QRICH1: variants seen among roughly 807,000 people sequenced by gnomAD.
QRICH1 encodes the protein glutamine rich 1.
Under a neutral mutation model 87.1 loss-of-function variants are expected in QRICH1, and 16 were observed. That is an observed-to-expected ratio of 0.18 (90% confidence interval 0.12 to 0.28). The LOEUF (loss-of-function observed/expected upper bound fraction) is 0.28, where lower values mean the gene tolerates loss of function less well. Among genes scored for constraint, QRICH1 ranks in the 10% least tolerant of loss-of-function variants. The pLI is 1.00. For synonymous variants in QRICH1, 367 were observed against 368.4 expected (o/e 1.00, Z 0.05); for missense variants, 647 against 951.7 (o/e 0.68, Z 4.21).
intron 6 of QRICH1, among the ~76,000 whole-genome samples, chr3:49,038,749 G>A (rs753043206): frequency 7.2e-5 from 11 of 152,130 alleles, no homozygotes; most frequent in African/African-American, 1.7e-4. Flanking sequence ...AGTATGAGCC[G>A]GGCTCCGTAG....
At chr3:49,055,828 G>A (rs2093398760) in intron 3 of QRICH1, among the ~76,000 whole-genome samples, 1 of 151,738 alleles carries the variant, frequency 6.6e-6, no homozygotes, top group South Asian at 2.1e-4. Context: ...ATAGGTGTGT[G>A]CCACCACACC....
chr3:49,032,335 G>C, intron 8 of QRICH1, 62 bp from the exon 9 acceptor site: 1 of 1,174,448 alleles, frequency 8.5e-7, no homozygotes, highest in Non-Finnish European at 1.2e-6. Context: ...CTCAGGCCCA[G>C]ATCAGGAAAC....
chr3:49,050,038 A>G (rs1400183820), intron 3 of QRICH1, among the ~76,000 whole-genome samples: 3 of 149,936 alleles, frequency 2.0e-5, no homozygotes, highest in African/African-American at 7.4e-5. Flanking sequence ...TGTCTCTACC[A>G]GAAATATAAA....
intron 6 of QRICH1, among the ~76,000 whole-genome samples, chr3:49,042,724 C>G (rs1382894984): frequency 6.6e-6 from 1 of 151,960 alleles, no homozygotes; most frequent in Admixed American, 6.6e-5. Flanking sequence ...AGGTACCTGC[C>G]AACACACCTG....
rs781399409 is a variant in QRICH1 at position 49,052,732 on chromosome 3, T to C, written c.1338+4130A>G. Among the ~76,000 whole-genome samples, 7 of 152,216 alleles carry C rather than the reference T, an allele frequency of 4.6e-5. No homozygotes were observed. In the East Asian group the frequency reaches 5.8e-4, roughly 13 times the overall value. ...CTTGGCCAGGCTGGTCTTTAACTCC[T>C]GACCTCGTGATCCACCCACCTCGGC... On this transcript the variant is annotated intron_variant, in intron 3 of 9. Coordinates refer to ENST00000395443, the MANE Select transcript of QRICH1 (RefSeq NM_198880.3).
At chr3:49,080,515 A>C (rs1424656148) in intron 1 of QRICH1, among the ~76,000 whole-genome samples, 1 of 152,116 alleles carries the variant, frequency 6.6e-6, no homozygotes, top group Non-Finnish European at 1.5e-5. Context: ...TTAAAAAAAA[A>C]CAAGAAAAAA....
At chr3:49,060,638 G>A (rs766408750) in intron 2 of QRICH1, among the ~76,000 whole-genome samples, 3 of 152,134 alleles carry the variant, frequency 2.0e-5, no homozygotes, top group Non-Finnish European at 4.4e-5. Context: ...CCCCCAGCCT[G>A]ATTTTTTGGG....
chr3:49,032,803 G>C, intron 7 of QRICH1, 30 bp from the exon 8 acceptor site: 2 of 1,593,542 alleles, frequency 1.3e-6, no homozygotes, highest in Non-Finnish European at 1.7e-6. Flanking sequence ...CAAGGCAGAG[G>C]GAGGGGTGCC....
chr3:49,065,684 CT>C (rs935571492), intron 2 of QRICH1, among the ~76,000 whole-genome samples: 276 of 140,222 alleles, frequency 2.0e-3, no homozygotes, highest in East Asian at 3.3e-3. Context: ...GAGTCTCTCT[CT>C]TTTTTTTTTT....
chr3:49,063,545 T>C (rs534490311), intron 2 of QRICH1, among the ~76,000 whole-genome samples: 7 of 152,296 alleles, frequency 4.6e-5, no homozygotes, highest in South Asian at 4.1e-4. Context: ...TCCCAGCACT[T>C]TGGGAGGCCA....
intron 1 of QRICH1, among the ~76,000 whole-genome samples, chr3:49,077,719 G>A (rs972959141): frequency 2.0e-5 from 3 of 152,124 alleles, no homozygotes; most frequent in African/African-American, 7.2e-5. Context: ...GTTTTCTTGT[G>A]AGTAAATGGG....
At chr3:49,068,852 A>G (rs577954707) in intron 2 of QRICH1, among the ~76,000 whole-genome samples, 1 of 151,764 alleles carries the variant, frequency 6.6e-6, no homozygotes, top group East Asian at 2.0e-4. Flanking sequence ...GCTGGTCTAG[A>G]ACTCCTGAGC....
intron 1 of QRICH1, among the ~76,000 whole-genome samples, chr3:49,079,549 ATAAT>A (rs1459095678): frequency 1.3e-5 from 2 of 149,944 alleles, no homozygotes; most frequent in African/African-American, 4.9e-5. Context: ...TAAAATAATA[ATAAT>A]TAAGTGGTCA....
chr3:49,031,047 G>A (rs2093234880), intron 9 of QRICH1, among the ~76,000 whole-genome samples: 1 of 149,270 alleles, frequency 6.7e-6, no homozygotes, highest in South Asian at 2.1e-4. Context: ...AGTGCAGTGA[G>A]GTGATCTCAG....
Position 49,046,445 on chromosome 3 carries a change from T to C in QRICH1, c.1651A>G (p.Ile551Val). The C allele has an allele frequency of 2.5e-6, 4 of 1,613,764 alleles. No individual in the cohort carries two copies. The South Asian group carries it at 3.3e-5, about 13-fold the overall frequency. ...CCTACCTTTTGAATACACAGGAAAA[T>C]ATAGTAGAGCACATCTGGGTCATAG... ...EPYDPDVLYY[I>V]FLCIQKYLFE... is the part of the protein sequence containing the mutation. The change falls in exon 5 of 10, where the codon ATT (isoleucine) becomes GTT (valine). Residue 551 changes from isoleucine to valine, a missense_variant. By Grantham distance (29) the Ile-to-Val change is conservative. This residue lies in a region of QRICH1 where 187 missense variants were observed against 309.5 expected (regional missense o/e 0.60). Coordinates refer to ENST00000395443, the MANE Select transcript of QRICH1 (RefSeq NM_198880.3).
At chr3:49,036,645 GAACT>G (rs1161063649) in intron 6 of QRICH1, among the ~76,000 whole-genome samples, 1 of 148,676 alleles carries the variant, frequency 6.7e-6, no homozygotes, top group Non-Finnish European at 1.5e-5. Context: ...AGAAGCTGAT[GAACT>G]AACTCATTTT....
intron 1 of QRICH1, among the ~76,000 whole-genome samples, chr3:49,093,011 C>T (rs781342823): frequency 8.5e-5 from 13 of 152,146 alleles, no homozygotes; most frequent in Non-Finnish European, 1.6e-4. Context: ...TCACATGGGC[C>T]ACATAAGCGA....
chr3:49,092,907 G>C (rs1473972063), intron 1 of QRICH1, among the ~76,000 whole-genome samples: 4 of 152,196 alleles, frequency 2.6e-5, no homozygotes, highest in Non-Finnish European at 2.9e-5. Flanking sequence ...CTGAGGCAAA[G>C]GTGGGCCTTT....
intron 6 of QRICH1, among the ~76,000 whole-genome samples, chr3:49,038,555 C>G (rs12637037): frequency 0.66 from 99,234 of 151,464 alleles, 33,227 homozygotes; most frequent in East Asian, 0.96. Flanking sequence ...GCTGGGATTA[C>G]AGGCTCCCAC....
Sources: gnomAD v4.1 joint callset for allele counts (sites outside exome capture counted in the v4.1 genomes callset) on GRCh38, gnomAD v4.1.1 for gene constraint, gnomAD v4.1.1 regional missense constraint, MANE v1.5 for transcripts, NCBI Gene and HGNC (gene_info 2026-07-23, HGNC 2026-07-21) for gene names.